The following BMPR1A variants were observed in gnomAD, a reference collection of about 807,000 sequenced individuals.
BMPR1A encodes bone morphogenetic protein receptor type-1A.
Under a neutral mutation model 66.0 loss-of-function variants are expected in BMPR1A, and 7 were observed. The ratio of observed to expected loss-of-function variants is 0.11; its 90% CI spans 0.06 to 0.20. BMPR1A has a LOEUF of 0.20. BMPR1A is among the 10% of genes least tolerant of loss of function. BMPR1A has a pLI of 1.00. For missense variants in BMPR1A, 408 were observed against 669.1 expected (o/e 0.61, Z 4.31); for synonymous variants, 200 against 229.7 (o/e 0.87, Z 1.17).
At chr10:86,830,290 G>A (rs1046249039) in intron 1 of BMPR1A, among the ~76,000 whole-genome samples, 2 of 152,206 alleles carry the variant, frequency 1.3e-5, no homozygotes, top group Admixed American at 1.3e-4. Context: ...GGCTTAGCAG[G>A]GTTCTTTGCT....
chr10:86,822,505 A>G (rs1014302979), intron 1 of BMPR1A, among the ~76,000 whole-genome samples: 1 of 152,228 alleles, frequency 6.6e-6, no homozygotes, highest in African/African-American at 2.4e-5. Flanking sequence ...ATTAGGATTA[A>G]AAGTACAATG....
chr10:86,859,384 G>T (rs1190410133), intron 2 of BMPR1A, among the ~76,000 whole-genome samples: 4 of 151,806 alleles, frequency 2.6e-5, no homozygotes, highest in Admixed American at 2.0e-4. Flanking sequence ...GCCCAGGCTG[G>T]TCTCAAACTC....
intron 2 of BMPR1A, among the ~76,000 whole-genome samples, chr10:86,862,683 C>T (rs11202233): frequency 0.15 from 22,866 of 151,810 alleles, 2,701 homozygotes; most frequent in East Asian, 0.67. Flanking sequence ...CAGGTACAAC[C>T]AGTGGATTTG....
chr10:86,804,200 G>T (rs1841852168), intron 1 of BMPR1A, among the ~76,000 whole-genome samples: 1 of 151,898 alleles, frequency 6.6e-6, no homozygotes, highest in South Asian at 2.1e-4. Flanking sequence ...TCACAATTGG[G>T]ACTTAGTAAT....
chr10:86,847,387 C>T (rs1000527191), intron 2 of BMPR1A, among the ~76,000 whole-genome samples: 1 of 151,704 alleles, frequency 6.6e-6, no homozygotes, highest in African/African-American at 2.4e-5. Flanking sequence ...CACAGATACT[C>T]CAGTTTAACC....
chr10:86,821,751 A>G (rs1217826886), intron 1 of BMPR1A, among the ~76,000 whole-genome samples: 1 of 152,120 alleles, frequency 6.6e-6, no homozygotes, highest in Non-Finnish European at 1.5e-5. Flanking sequence ...CTGTGACATC[A>G]TCATTACCCA....
chr10:86,905,098 A>G (rs1053962086), intron 7 of BMPR1A, among the ~76,000 whole-genome samples: 5 of 152,226 alleles, frequency 3.3e-5, no homozygotes, highest in Admixed American at 1.3e-4. Context: ...CCTCATTAAT[A>G]TTTTGTTTCC....
intron 1 of BMPR1A, among the ~76,000 whole-genome samples, chr10:86,813,693 A>G (rs924055618): frequency 3.3e-5 from 5 of 152,116 alleles, no homozygotes; most frequent in African/African-American, 9.7e-5. Context: ...TCACCAGGGC[A>G]TGTTGCCATT....
At chr10:86,828,394 G>GA (rs1440510474) in intron 1 of BMPR1A, among the ~76,000 whole-genome samples, 1 of 152,056 alleles carries the variant, frequency 6.6e-6, no homozygotes, top group East Asian at 1.9e-4. Flanking sequence ...TCACAAAGGG[G>GA]AAAAAACGTA....
chr10:86,867,776 A>G (rs1842804503), intron 2 of BMPR1A, among the ~76,000 whole-genome samples: 1 of 152,232 alleles, frequency 6.6e-6, no homozygotes, highest in Non-Finnish European at 1.5e-5. Flanking sequence ...GGTATAAAAC[A>G]CACAGCATCA....
intron 3 of BMPR1A, among the ~76,000 whole-genome samples, chr10:86,881,295 T>C (rs1842982145): frequency 6.6e-6 from 1 of 152,188 alleles, no homozygotes; most frequent in South Asian, 2.1e-4. Flanking sequence ...AATGAAGTCA[T>C]TAATTTTGAA....
intron 2 of BMPR1A, among the ~76,000 whole-genome samples, chr10:86,865,742 C>T (rs10788529): frequency 0.15 from 22,944 of 152,208 alleles, 2,715 homozygotes; most frequent in East Asian, 0.67. Flanking sequence ...AAGGATTGTC[C>T]CTGCACATTG....
intron 1 of BMPR1A, among the ~76,000 whole-genome samples, chr10:86,776,302 T>G (rs1392515606): frequency 6.6e-6 from 1 of 152,226 alleles, no homozygotes; most frequent in African/African-American, 2.4e-5. Flanking sequence ...CAGCAAGTAG[T>G]TTGATGAGAA....
chr10:86,899,925 C>A lies in BMPR1A; in HGVS notation c.430+35C>A, dbSNP rs752711634. ...CCGAGAAAAGTCGGAGCATGCTTCTCAAATATCTTCTCTGGTTTTACAGTA... is the reference window on the plus strand; with the variant it reads ...CCGAGAAAAGTCGGAGCATGCTTCTAAAATATCTTCTCTGGTTTTACAGTA... On this transcript the variant is annotated intron_variant, in intron 6 of 12. Transcript: ENST00000372037. 6 of 1,610,234 alleles carry A rather than the reference C, an allele frequency of 3.7e-6. No individual in the cohort carries two copies. In the East Asian group the frequency reaches 1.3e-4, roughly 36 times the overall value.
chr10:86,822,766 G>C (rs1187257439), intron 1 of BMPR1A, among the ~76,000 whole-genome samples: 1 of 152,052 alleles, frequency 6.6e-6, no homozygotes, highest in East Asian at 1.9e-4. Flanking sequence ...CTCCCAAGTA[G>C]CTGGGATTAC....
intron 2 of BMPR1A, among the ~76,000 whole-genome samples, chr10:86,859,855 C>T (rs73350082): frequency 0.023 from 3,538 of 152,124 alleles, 143 homozygotes; most frequent in African/African-American, 0.081. Context: ...GCAGTTCCAA[C>T]CTGTATTGTT....
At chr10:86,760,188 GTTTT>G (rs58326501) in intron 1 of BMPR1A, among the ~76,000 whole-genome samples, 1 of 53,380 alleles carries the variant, frequency 1.9e-5, no homozygotes, top group African/African-American at 9.4e-5. Context: ...AGATTTACCT[GTTTT>G]TTTTTTTTTT....
intron 9 of BMPR1A, among the ~76,000 whole-genome samples, chr10:86,918,627 CTT>C (rs71802648): frequency 1.3e-4 from 19 of 141,390 alleles, no homozygotes; most frequent in Admixed American, 1.4e-4. Flanking sequence ...CTTTTCTTTT[CTT>C]TTTTTTTTTT....
At chr10:86,830,449 T>A (rs1276516211) in intron 1 of BMPR1A, among the ~76,000 whole-genome samples, 1 of 152,200 alleles carries the variant, frequency 6.6e-6, no homozygotes, top group Non-Finnish European at 1.5e-5. Flanking sequence ...TTTTACATGC[T>A]CACTGGCAGT....
Sources: gnomAD v4.1 joint callset for allele counts (sites outside exome capture counted in the v4.1 genomes callset) on GRCh38, gnomAD v4.1.1 for gene constraint, MANE v1.5 for transcripts, NCBI Gene and HGNC (gene_info 2026-07-23, HGNC 2026-07-21) for gene names.